The following MLXIP variants were observed in gnomAD, a reference collection of about 807,000 sequenced individuals.
The protein encoded by MLXIP is MLX interacting protein, also known as MLX-interacting protein.
In MLXIP, 30 loss-of-function variants were observed where a neutral mutation model predicts 87.2. The observed-to-expected ratio is 0.34, with a 90% CI of 0.26 to 0.47. The LOEUF is 0.47. Ranked by LOEUF, MLXIP falls within the 20% of genes least tolerant of loss-of-function variation. The pLI, the probability that MLXIP is intolerant of heterozygous loss-of-function variation, is 1.00. For missense variants in MLXIP, 1,002 were observed against 1,240.1 expected, an observed-to-expected ratio of 0.81 and a Z score of 2.88; for synonymous variants, 530 against 514.0, an observed-to-expected ratio of 1.03 and a Z score of -0.42.
Position 122,141,721 on chromosome 12 carries a change from C to T in MLXIP, c.2669C>T (p.Thr890Ile), listed in dbSNP as rs200140701. 205 of 1,613,878 alleles carry T rather than the reference C, an allele frequency of 1.3e-4. No individual in the cohort carries two copies. The African/African-American group carries it at 2.1e-3, about 17-fold the overall frequency. ...MVLSTLRQLSTSTSILTDPAQ... is the reference protein window; with the variant it reads ...MVLSTLRQLSISTSILTDPAQ... ...TTGAGCACGCTGCGGCAGCTGAGCA[C>T]CTCCACCTCCATCCTCACAGACCCG... is the stretch of plus-strand genomic sequence containing the variant. The change falls in exon 17 of 17, where the codon ACC (threonine) becomes ATC (isoleucine). Residue 890 changes from threonine to isoleucine, a missense_variant. By Grantham distance (89) the Thr-to-Ile change is moderately conservative. Coordinates refer to ENST00000319080, the MANE Select transcript of MLXIP (RefSeq NM_014938.6).
intron 1 of MLXIP, among the ~76,000 whole-genome samples, chr12:122,124,101 C>T (rs898963611): frequency 6.6e-5 from 10 of 152,104 alleles, no homozygotes; most frequent in East Asian, 1.9e-4. Context: ...AGAGGCATGA[C>T]GTGTGCTCCC....
intron 1 of MLXIP, among the ~76,000 whole-genome samples, chr12:122,122,390 G>T (rs1952797170): frequency 1.3e-5 from 2 of 151,978 alleles, no homozygotes; most frequent in Admixed American, 6.6e-5. Context: ...TTTAGACAGG[G>T]TCTCTCTCTG....
rs1225967745 is a variant in MLXIP, at chr12:122,078,831, A to C, written c.-23A>C. 9.6e-7 allele frequency: 1 copy of C among 1,046,890 alleles called. No individual in the cohort carries two copies. The highest frequency in any genetic ancestry group is 1.1e-6 in the Non-Finnish European group (1 of 871,780). The allele number at this position is 1,046,890 out of a possible 1,614,324, so 64.9% of individuals were successfully genotyped here. On this transcript the variant is annotated 5_prime_UTR_variant, in exon 1 of 17. The change abolishes an upstream ATG in the 5' untranslated region. Coordinates refer to ENST00000319080, the MANE Select transcript of MLXIP (RefSeq NM_014938.6). ...GTCGCGTTGCCCCGGGCTCCGGGGG[A>C]TGCCCCCGGCCGAGCCCTTCTCATG...
intron 1 of MLXIP, among the ~76,000 whole-genome samples, chr12:122,094,488 T>C (rs1952313876): frequency 8.3e-6 from 1 of 119,874 alleles, no homozygotes; most frequent in South Asian, 2.9e-4. Flanking sequence ...TGGGTGTGTG[T>C]TTGCAATGTC....
chr12:122,119,179 CA>C (rs760046211), intron 1 of MLXIP, among the ~76,000 whole-genome samples: 68 of 132,484 alleles, frequency 5.1e-4, no homozygotes, highest in African/African-American at 2.0e-3. Flanking sequence ...AAAAAACAAA[CA>C]AAACAAAACA....
In MLXIP at chr12:122,133,961, T is replaced by C. The variant is rs549185169; in HGVS notation, c.1706T>C (p.Val569Ala). 8.2e-5 allele frequency: 131 copies of C among 1,603,894 alleles called. 6 individuals carry two copies. In the South Asian group the frequency reaches 1.4e-3, roughly 17 times the overall value. Residue 569 changes from valine (V) to alanine (A), a missense_variant, in exon 9 of 17, where the codon GTG (valine) becomes GCG (alanine). By Grantham distance (64) the Val-to-Ala change is moderately conservative. Around this residue, in one of 3 missense-constraint regions of MLXIP, gnomAD observed 746 missense variants for 897.0 expected, o/e 0.83. Transcript: ENST00000319080. The surrounding 1 kb of genome is among the most constrained non-coding windows in gnomAD (Gnocchi z 4.9). ...PAPKPEPVSL[V>A]LKNARIAPAA... ...CCCAAACCAGAGCCCGTGTCCTTGG[T>C]GTTGAAGAATGCCCGTATCGCCCCA...
chr12:122,131,441 C>CT (rs1174308802), intron 7 of MLXIP, among the ~76,000 whole-genome samples: 19,057 of 76,530 alleles, frequency 0.25, 3,851 homozygotes, highest in Non-Finnish European at 0.3. Flanking sequence ...TTGTTTGAGT[C>CT]TTTTTTTTTT....
Position 122,133,998 on chromosome 12 carries a change from C to G in MLXIP, c.1732+11C>G. 6.3e-7 allele frequency: 1 copy of G among 1,587,486 alleles called. No homozygotes were observed. The highest frequency in any genetic ancestry group is 1.1e-5 in the South Asian group (1 of 87,396). ...CCCGTATCGCCCCAGGTGAGCCAGG[C>G]GGGGAGACTCAGTGCGGGGCTCCCC... On this transcript the variant is annotated intron_variant, in intron 9 of 16. Coordinates refer to ENST00000319080, the MANE Select transcript of MLXIP (RefSeq NM_014938.6). The surrounding 1 kb of genome is among the most constrained non-coding windows in gnomAD (Gnocchi z 4.9).
At chr12:122,106,846 C>T (rs1233436823) in intron 1 of MLXIP, among the ~76,000 whole-genome samples, 3 of 152,082 alleles carry the variant, frequency 2.0e-5, no homozygotes, top group Non-Finnish European at 2.9e-5. Context: ...AGGTGATACA[C>T]CCACCTTGGC....
Position 122,133,803 on chromosome 12 carries a change from G to A in MLXIP, c.1548G>A (p.Pro516=), listed in dbSNP as rs200779844. ...TGATCACCACCCATCACCCTGCCCCGTCAGCGGCCCCTTGTGGGCTGGCAC... is the reference window on the plus strand; with the variant it reads ...TGATCACCACCCATCACCCTGCCCCATCAGCGGCCCCTTGTGGGCTGGCAC... ...GLVITTHHPA[P]SAAPCGLALS... Residue 516 remains proline, a synonymous_variant, in exon 9 of 17, where the codon CCG becomes CCA. Transcript: ENST00000319080. The surrounding 1 kb of genome is among the most constrained non-coding windows in gnomAD (Gnocchi z 4.9). 165 of 1,612,990 alleles carry A rather than the reference G, an allele frequency of 1.0e-4. 1 individual carries two copies. The highest frequency in any genetic ancestry group is 5.6e-4 in the East Asian group (25 of 44,848).
intron 1 of MLXIP, among the ~76,000 whole-genome samples, chr12:122,101,184 T>G (rs1952430358): frequency 6.6e-6 from 1 of 152,226 alleles, no homozygotes. Context: ...GAAATCATTC[T>G]GTGGAGGTTC....
At chr12:122,115,626 C>A (rs993092198) in intron 1 of MLXIP, among the ~76,000 whole-genome samples, 1 of 143,778 alleles carries the variant, frequency 7.0e-6, no homozygotes, top group African/African-American at 2.6e-5. Flanking sequence ...GATGACTACA[C>A]AAATATGTAA....
At chr12:122,139,078 A>G (rs762645910) in intron 15 of MLXIP, 140 bp downstream of exon 15, 8 of 1,340,056 alleles carry the variant, frequency 6.0e-6, no homozygotes, top group South Asian at 4.5e-5. Context: ...GCTAGTGTCT[A>G]TCTCGGGAGA....
At chr12:122,112,535 T>C (rs948357759) in intron 1 of MLXIP, among the ~76,000 whole-genome samples, 2 of 151,760 alleles carry the variant, frequency 1.3e-5, no homozygotes, top group Non-Finnish European at 2.9e-5. Context: ...TAGTCCCAGC[T>C]ACTCAGGAGG....
intron 1 of MLXIP, among the ~76,000 whole-genome samples, chr12:122,088,727 G>C (rs1488455881): frequency 6.6e-6 from 1 of 152,138 alleles, no homozygotes; most frequent in Non-Finnish European, 1.5e-5. Context: ...CTTCCTTCTA[G>C]GCCTGTCGGT....
chr12:122,141,546 C>T (rs992116100), intron 16 of MLXIP, 145 bp from the exon 17 acceptor site: 79 of 1,352,426 alleles, frequency 5.8e-5, no homozygotes, highest in Admixed American at 1.1e-4. Context: ...CGGTGTCGGC[C>T]CCTGGCACTC....
chr12:122,093,951 GTGT>G (rs1393414469), intron 1 of MLXIP, among the ~76,000 whole-genome samples: 3 of 141,188 alleles, frequency 2.1e-5, no homozygotes, highest in Non-Finnish European at 3.1e-5. Context: ...GGGTGTGTTG[GTGT>G]GTGTGTTGGC....
chr12:122,130,897 A>G lies in MLXIP; in HGVS notation c.964A>G (p.Asn322Asp). The G allele has an allele frequency of 6.2e-7, 1 of 1,613,814 alleles. No individual in the cohort carries two copies. The highest frequency in any genetic ancestry group is 8.5e-7 in the Non-Finnish European group (1 of 1,179,740). Residue 322 changes from asparagine to aspartate, a missense_variant, in exon 7 of 17, where the codon AAC becomes GAC. By Grantham distance (23) the Asn-to-Asp change is conservative (BLOSUM62 1). Coordinates refer to ENST00000319080, the MANE Select transcript of MLXIP (RefSeq NM_014938.6). The stretch of plus-strand genomic sequence containing the variant: ...GCCGGGACTGATTCCTTTGCAGCCT[A>G]ACCTGGACTTCATGGACACCTTTGA... ...IQPGLIPLQPNLDFMDTFEPF... is the reference protein window; with the variant it reads ...IQPGLIPLQPDLDFMDTFEPF...
chr12:122,121,761 T>G (rs759051149), intron 1 of MLXIP, among the ~76,000 whole-genome samples: 4 of 152,182 alleles, frequency 2.6e-5, no homozygotes, highest in Non-Finnish European at 4.4e-5. Flanking sequence ...AGCAGTCTCT[T>G]GCCAGCCCTC....
Sources: allele counts gnomAD v4.1 joint callset (sites outside exome capture counted in the v4.1 genomes callset), GRCh38; gene constraint gnomAD v4.1.1; regional missense constraint gnomAD v4.1.1; non-coding constraint Gnocchi (gnomAD v3.1); transcripts MANE v1.5; gene names NCBI Gene and HGNC (gene_info 2026-07-23, HGNC 2026-07-21).